PRKCA: variants seen among roughly 807,000 people sequenced by gnomAD.
PRKCA encodes protein kinase C alpha, also known as protein kinase C alpha type.
PRKCA carries 27 observed loss-of-function variants against 87.0 expected under a neutral mutation model. The ratio of observed to expected loss-of-function variants is 0.31; its 90% CI spans 0.23 to 0.43. PRKCA has a LOEUF of 0.43. Ranked by LOEUF, PRKCA falls within the 20% of genes least tolerant of loss-of-function variation. The pLI is 1.00. For synonymous variants in PRKCA, 329 were observed against 311.1 expected (o/e 1.06, Z -0.61); for missense variants, 518 against 852.3 (o/e 0.61, Z 4.88).
chr17:66,604,856 A>C (rs906060141), intron 3 of PRKCA, among the ~76,000 whole-genome samples: 1 of 152,114 alleles, frequency 6.6e-6, no homozygotes, highest in African/African-American at 2.4e-5. Flanking sequence ...AACCACCAAG[A>C]GACTGGACTT....
rs138556618 is a variant in PRKCA at position 66,339,238 on chromosome 17, A to G, written c.205+33111A>G. ...CCTTCCAGAGTGTTACAAAGTTTCC[A>G]GTCTATTCTTCCTATGTCTGCCCTC... On this transcript the variant is annotated intron_variant, in intron 2 of 16. Transcript: ENST00000413366. 2.8e-4 allele frequency among the ~76,000 whole-genome samples: 42 copies of G among 152,344 alleles called. No homozygotes were observed. The East Asian group carries it at 3.9e-3, about 14-fold the overall frequency.
intron 2 of PRKCA, among the ~76,000 whole-genome samples, chr17:66,486,545 C>T (rs1915995260): frequency 1.3e-5 from 2 of 152,034 alleles, no homozygotes; most frequent in Admixed American, 1.3e-4. Context: ...CCTCTCCAGC[C>T]CCCAGGCTCT....
At chr17:66,650,693 C>G (rs1215589062) in intron 5 of PRKCA, among the ~76,000 whole-genome samples, 1 of 152,066 alleles carries the variant, frequency 6.6e-6, no homozygotes, top group Non-Finnish European at 1.5e-5. Flanking sequence ...TCCTGCCTAC[C>G]TAGGGCCCTG....
At position 66,733,012 on chromosome 17, in the gene PRKCA, A is replaced by G. The variant is rs61762450; in HGVS notation, c.1056+187A>G. On this transcript the variant is annotated intron_variant, in intron 9 of 16. Transcript: ENST00000413366. ...TAAAAATACAAAAAATTAGCTGGGC[A>G]TGGTGGTGGGCGCCTGTAGTCCCAG... Among the ~76,000 whole-genome samples the G allele has an allele frequency of 3.4e-3, 519 of 152,126 alleles. 7 individuals are homozygous for G. Among genetic ancestry groups the G allele is most frequent in the African/African-American group, 0.012 (490 of 41,520 alleles).
intron 8 of PRKCA, among the ~76,000 whole-genome samples, chr17:66,708,034 C>G (rs1253993802): frequency 6.6e-6 from 1 of 152,166 alleles, no homozygotes; most frequent in African/African-American, 2.4e-5. Context: ...GGCCAAGGTG[C>G]TCATGGTGTT....
Position 66,804,923 on chromosome 17 carries a change from A to G in PRKCA, c.*886A>G, listed in dbSNP as rs1160290000. ...TGTTCACCAACACCCACCCCCACAC[A>G]CACCAACATTTTGCTGCCTACCTTG... On this transcript the variant is annotated 3_prime_UTR_variant, in exon 17 of 17. Coordinates refer to ENST00000413366, the MANE Select transcript of PRKCA (RefSeq NM_002737.3). 4 of 910,712 alleles carry G rather than the reference A, an allele frequency of 4.4e-6. No individual in the cohort carries two copies. In the African/African-American group the frequency reaches 7.2e-5, roughly 16 times the overall value. The allele number at this position is 910,712 out of a possible 1,614,324, so 56.4% of individuals were successfully genotyped here. A position where few individuals can be genotyped will look rare whatever the true frequency, so the allele number is the denominator to read the frequency against.
intron 3 of PRKCA, among the ~76,000 whole-genome samples, chr17:66,610,963 G>A (rs976374883): frequency 1.3e-5 from 2 of 152,084 alleles, no homozygotes; most frequent in Non-Finnish European, 2.9e-5. Flanking sequence ...TCAGAACAAA[G>A]AACAAGGACA....
chr17:66,774,219 C>A, intron 14 of PRKCA, 152 bp downstream of exon 14: 1 of 1,505,542 alleles, frequency 6.6e-7, no homozygotes, highest in South Asian at 1.3e-5. Flanking sequence ...GAAACGCCCC[C>A]TTCAAAGTGG....
intron 16 of PRKCA, among the ~76,000 whole-genome samples, chr17:66,794,787 A>AT (rs1301028095): frequency 2.6e-5 from 4 of 151,328 alleles, no homozygotes; most frequent in Non-Finnish European, 2.9e-5. Context: ...TGCCTGGCTA[A>AT]TTTTTTTTAT....
intron 2 of PRKCA, among the ~76,000 whole-genome samples, chr17:66,359,904 T>C (rs1319957157): frequency 6.6e-6 from 1 of 152,228 alleles, no homozygotes; most frequent in African/African-American, 2.4e-5. Flanking sequence ...TCTTGTTGCC[T>C]CTGACTATTT....
rs144947473 is a variant in PRKCA at position 66,680,623 on chromosome 17, G to T, written c.530-6488G>T. Among the ~76,000 whole-genome samples the T allele has an allele frequency of 1.6e-3, 245 of 152,284 alleles. 1 individual carries two copies. The highest frequency in any genetic ancestry group is 5.7e-3 in the African/African-American group (238 of 41,552). On this transcript the variant is annotated intron_variant, in intron 5 of 16. Transcript: ENST00000413366. ...CCTTTGATGGGCAGAGTCACTGTGG[G>T]TCAGTGCTGACAAGTCTGGTCCTCA...
chr17:66,400,417 G>T (rs1910954444), intron 2 of PRKCA, among the ~76,000 whole-genome samples: 1 of 152,208 alleles, frequency 6.6e-6, no homozygotes, highest in Admixed American at 6.5e-5. Context: ...CTCCCCAAGT[G>T]CTGGGATTAC....
chr17:66,731,351 GAAAAA>G (rs5821509), intron 8 of PRKCA, among the ~76,000 whole-genome samples: 1 of 112,464 alleles, frequency 8.9e-6, no homozygotes, highest in East Asian at 2.6e-4. Context: ...CTCCGTCTCA[GAAAAA>G]AAAAAAAAAA....
chr17:66,348,707 G>A (rs764967803), intron 2 of PRKCA, among the ~76,000 whole-genome samples: 10 of 152,114 alleles, frequency 6.6e-5, no homozygotes, highest in Admixed American at 6.6e-5. Flanking sequence ...GTTAAGATGG[G>A]TTTGCATACT....
chr17:66,389,386 G>A (rs974467774), intron 2 of PRKCA, among the ~76,000 whole-genome samples: 1 of 152,186 alleles, frequency 6.6e-6, no homozygotes, highest in African/African-American at 2.4e-5. Flanking sequence ...CAGGCTGACC[G>A]CAGCTAGACT....
intron 2 of PRKCA, among the ~76,000 whole-genome samples, chr17:66,443,151 A>G (rs1342455110): frequency 6.6e-6 from 1 of 152,196 alleles, no homozygotes; most frequent in Non-Finnish European, 1.5e-5. Flanking sequence ...ATTTGCTGCA[A>G]GTGGTCCATG....
chr17:66,505,279 G>C (rs1351102983), intron 3 of PRKCA, among the ~76,000 whole-genome samples: 3 of 152,142 alleles, frequency 2.0e-5, no homozygotes, highest in African/African-American at 7.2e-5. Context: ...AGGAGACAGT[G>C]GGGGAGTGGG....
At chr17:66,378,017 C>T (rs1340507010) in intron 2 of PRKCA, among the ~76,000 whole-genome samples, 1 of 152,214 alleles carries the variant, frequency 6.6e-6, no homozygotes, top group South Asian at 2.1e-4. Context: ...TTGTACCCCA[C>T]ATGTTAATAT....
intron 2 of PRKCA, among the ~76,000 whole-genome samples, chr17:66,323,178 CT>C (rs1188524054): frequency 6.6e-6 from 1 of 152,184 alleles, no homozygotes; most frequent in Non-Finnish European, 1.5e-5. Flanking sequence ...TACCTGACTT[CT>C]TTTGACCTGT....
Sources: gnomAD v4.1 joint callset for allele counts (sites outside exome capture counted in the v4.1 genomes callset) on GRCh38, gnomAD v4.1.1 for gene constraint, MANE v1.5 for transcripts, NCBI Gene and HGNC (gene_info 2026-07-23, HGNC 2026-07-21) for gene names.